The following OSBPL10 variants were observed in gnomAD, a reference collection of about 807,000 sequenced individuals.
OSBPL10 encodes the protein oxysterol binding protein like 10.
In OSBPL10, 49 loss-of-function variants were observed where a neutral mutation model predicts 81.7. The observed-to-expected ratio is 0.60, with a 90% CI of 0.48 to 0.76. The LOEUF (loss-of-function observed/expected upper bound fraction) is 0.76, where lower values mean the gene tolerates loss of function less well. OSBPL10 is among the 30% of genes least tolerant of loss of function. OSBPL10 has a pLI of 0.00. For missense variants in OSBPL10, 923 were observed against 987.8 expected (o/e 0.93, Z 0.88); for synonymous variants, 419 against 383.6 (o/e 1.09, Z -1.08).
intron 6 of OSBPL10, among the ~76,000 whole-genome samples, chr3:31,702,855 G>A (rs1052800248): frequency 1.3e-5 from 2 of 152,208 alleles, no homozygotes; most frequent in South Asian, 4.1e-4. Flanking sequence ...ACCAAAGTTA[G>A]ACTCCTGTTA....
chr3:31,996,194 C>A (rs2125527152), intron 2 of OSBPL10, among the ~76,000 whole-genome samples: 1 of 152,250 alleles, frequency 6.6e-6, no homozygotes, highest in Non-Finnish European at 1.5e-5. Flanking sequence ...GGAAGATTAC[C>A]AAAGTGGACA....
intron 4 of OSBPL10, among the ~76,000 whole-genome samples, chr3:31,770,330 A>T (rs1393631965): frequency 3.3e-5 from 5 of 152,204 alleles, no homozygotes; most frequent in Non-Finnish European, 7.3e-5. Flanking sequence ...AATTTCAAAG[A>T]TTAAAAAATA....
In OSBPL10 at chr3:31,980,762, G is replaced by A. The variant is rs955478237; in HGVS notation, c.281+137C>T. 6 of 1,161,644 alleles carry A rather than the reference G, an allele frequency of 5.2e-6. No individual in the cohort carries two copies. The Admixed American group carries it at 1.1e-4, about 21-fold the overall frequency. The allele number at this position is 1,161,644 out of a possible 1,614,324, so 72.0% of individuals were successfully genotyped here. A position where few individuals can be genotyped will look rare whatever the true frequency, so the allele number is the denominator to read the frequency against. ...GGAGCAGGGACGCAGGAAGGGCACC[G>A]TTGGGAGGCATCACTGGGTTCGCTG... On this transcript the variant is annotated intron_variant, in intron 1 of 11. Transcript: ENST00000396556.
intron 3 of OSBPL10, among the ~76,000 whole-genome samples, chr3:31,838,770 T>C (rs1448129306): frequency 6.6e-6 from 1 of 152,138 alleles, no homozygotes; most frequent in Non-Finnish European, 1.5e-5. Flanking sequence ...GCATACTAAT[T>C]CTCAGATACT....
intron 11 of OSBPL10, 82 bp from the exon 12 acceptor site, chr3:31,662,198 T>A: frequency 6.2e-7 from 1 of 1,603,218 alleles, no homozygotes; most frequent in Admixed American, 1.7e-5. Context: ...GCAGCCACTC[T>A]GTGTGTCTGC....
chr3:31,690,873 T>A (rs1344147969), intron 7 of OSBPL10, among the ~76,000 whole-genome samples: 1 of 152,114 alleles, frequency 6.6e-6, no homozygotes, highest in Non-Finnish European at 1.5e-5. Context: ...GACTTCCTAG[T>A]CTGGTCTGAT....
chr3:31,858,484 C>T (rs1221819407), intron 3 of OSBPL10, among the ~76,000 whole-genome samples: 2 of 152,124 alleles, frequency 1.3e-5, no homozygotes, highest in African/African-American at 4.8e-5. Context: ...GCACAGTACC[C>T]CTCACGGAAA....
intron 4 of OSBPL10, among the ~76,000 whole-genome samples, chr3:31,753,337 C>T (rs1697776811): frequency 6.6e-6 from 1 of 152,008 alleles, no homozygotes; most frequent in Non-Finnish European, 1.5e-5. Flanking sequence ...AGGTATGCAC[C>T]ACCACGCCCG....
chr3:32,074,189 T>G (rs1348813704), intron 1 of OSBPL10, among the ~76,000 whole-genome samples: 1 of 152,142 alleles, frequency 6.6e-6, no homozygotes, highest in African/African-American at 2.4e-5. Flanking sequence ...GAGGAACTTC[T>G]TTACTTTCTA....
intron 2 of OSBPL10, among the ~76,000 whole-genome samples, chr3:32,040,372 A>C (rs1480639047): frequency 6.6e-6 from 1 of 152,154 alleles, no homozygotes; most frequent in Non-Finnish European, 1.5e-5. Flanking sequence ...GCACCACTGC[A>C]CTCCAGCCTA....
chr3:31,883,241 CTCTT>C (rs1226084747), intron 1 of OSBPL10, among the ~76,000 whole-genome samples: 11 of 100,184 alleles, frequency 1.1e-4, no homozygotes, highest in Non-Finnish European at 2.0e-5. Context: ...AAGCATGCCA[CTCTT>C]TTTTTTTTTT....
chr3:31,780,217 C>T (rs891809061), intron 4 of OSBPL10, among the ~76,000 whole-genome samples: 6 of 151,932 alleles, frequency 3.9e-5, no homozygotes, highest in Admixed American at 2.0e-4. Flanking sequence ...GGCATGAACC[C>T]GGGAGGCAGA....
chr3:31,882,688 C>T (rs1695618425), intron 1 of OSBPL10, among the ~76,000 whole-genome samples: 1 of 152,166 alleles, frequency 6.6e-6, no homozygotes, highest in Admixed American at 6.5e-5. Flanking sequence ...CACACACACG[C>T]ACTGGAATGG....
chr3:31,993,977 T>C (rs1699062867), intron 2 of OSBPL10, among the ~76,000 whole-genome samples: 1 of 152,142 alleles, frequency 6.6e-6, no homozygotes, highest in Admixed American at 6.6e-5. Flanking sequence ...CAAAGATCCC[T>C]CAACTGGGGA....
intron 3 of OSBPL10, among the ~76,000 whole-genome samples, chr3:31,840,970 G>A (rs1302883434): frequency 6.6e-5 from 10 of 152,186 alleles, no homozygotes; most frequent in East Asian, 1.9e-4. Flanking sequence ...GTGCAATGGC[G>A]TGATCTCGGC....
intron 2 of OSBPL10, among the ~76,000 whole-genome samples, chr3:32,027,781 A>G (rs1699430552): frequency 6.6e-6 from 1 of 152,100 alleles, no homozygotes; most frequent in African/African-American, 2.4e-5. Context: ...GGTGCACATC[A>G]CTGTGCCCAG....
At chr3:31,776,005 C>T (rs777350364) in intron 4 of OSBPL10, among the ~76,000 whole-genome samples, 13 of 151,998 alleles carry the variant, frequency 8.6e-5, no homozygotes, top group Admixed American at 6.6e-5. Flanking sequence ...AACAACAATA[C>T]AGAGGCACGT....
intron 2 of OSBPL10, among the ~76,000 whole-genome samples, chr3:32,035,963 C>T (rs1559552955): frequency 6.6e-6 from 1 of 152,168 alleles, no homozygotes; most frequent in Non-Finnish European, 1.5e-5. Context: ...TTCCACCCTC[C>T]CCCCAGTCTT....
chr3:32,017,563 G>A (rs1487372026), intron 2 of OSBPL10, among the ~76,000 whole-genome samples: 1 of 152,110 alleles, frequency 6.6e-6, no homozygotes, highest in African/African-American at 2.4e-5. Context: ...TTTGGGCCCA[G>A]GGTTCTGTGT....
Sources: gnomAD v4.1 joint callset for allele counts (sites outside exome capture counted in the v4.1 genomes callset) on GRCh38, gnomAD v4.1.1 for gene constraint, MANE v1.5 for transcripts, NCBI Gene and HGNC (gene_info 2026-07-23, HGNC 2026-07-21) for gene names.